IRGM: variants seen among roughly 807,000 people sequenced by gnomAD.
IRGM encodes immunity-related GTPase family M protein.
For missense variants in IRGM, 288 were observed against 219.9 expected, an observed-to-expected ratio of 1.31 and a Z score of -1.96; for synonymous variants, 98 against 80.6, an observed-to-expected ratio of 1.22 and a Z score of -1.16.
At chr5:150,896,903 C>A (rs1304096500) in intron 3 of IRGM, 3 of 1,613,528 alleles carry the variant, frequency 1.9e-6, no homozygotes, top group Non-Finnish European at 2.5e-6. Flanking sequence ...TGACTCCTTT[C>A]AGTATCTTAT....
At chr5:150,897,206 G>A in intron 3 of IRGM, 1 of 391,186 alleles carries the variant, frequency 2.6e-6, no homozygotes, top group Non-Finnish European at 4.5e-6. Flanking sequence ...AAAAAGTGGG[G>A]TCTCATCACT....
At chr5:150,864,634 G>C (rs1401668943) in intron 1 of IRGM, among the ~76,000 whole-genome samples, 1 of 152,152 alleles carries the variant, frequency 6.6e-6, no homozygotes, top group Non-Finnish European at 1.5e-5. Context: ...ATGGCAAATG[G>C]CAGACAATGA....
Position 150,858,458 on chromosome 5 carries a change from C to T in IRGM, c.158+9804C>T, listed in dbSNP as rs1375608913. Among the ~76,000 whole-genome samples the T allele has an allele frequency of 5.3e-4, 81 of 151,726 alleles. No homozygotes were observed. In the South Asian group the frequency reaches 6.1e-3, roughly 11 times the overall value. On this transcript the variant is annotated intron_variant and NMD_transcript_variant, in intron 1 of 3. Transcript: ENST00000520549. ...TTTAAAGTAGTTTTTTCCAATTCTG[C>T]GAAGAAAGTCATTGGTAGCTTGATG...
intron 3 of IRGM, among the ~76,000 whole-genome samples, chr5:150,887,658 G>GAAAAA (rs75460329): frequency 1.1e-5 from 1 of 88,530 alleles, no homozygotes; most frequent in African/African-American, 3.8e-5. Context: ...AGGTCAAAAT[G>GAAAAA]AAAAAAAAAA....
At chr5:150,881,528 A>G (rs1754445283) in intron 3 of IRGM, among the ~76,000 whole-genome samples, 1 of 152,208 alleles carries the variant, frequency 6.6e-6, no homozygotes, top group African/African-American at 2.4e-5. Flanking sequence ...ATAAAAACAT[A>G]TGAAAGTATA....
intron 3 of IRGM, among the ~76,000 whole-genome samples, chr5:150,886,418 T>A (rs1754523441): frequency 6.6e-6 from 1 of 152,076 alleles, no homozygotes; most frequent in African/African-American, 2.4e-5. Context: ...TTTTATAGAA[T>A]GAATTGGGGA....
chr5:150,875,045 G>T (rs1754344238), intron 1 of IRGM, among the ~76,000 whole-genome samples: 1 of 152,174 alleles, frequency 6.6e-6, no homozygotes, highest in African/African-American at 2.4e-5. Context: ...GGCTTGAGCA[G>T]GTCTTGAAAG....
intron 1 of IRGM, among the ~76,000 whole-genome samples, chr5:150,875,448 T>C (rs1046085355): frequency 1.3e-5 from 2 of 152,090 alleles, no homozygotes; most frequent in Non-Finnish European, 2.9e-5. Context: ...GACTGGAAAA[T>C]TAGTGACAAA....
At chr5:150,884,633 T>C (rs1754490286) in intron 3 of IRGM, among the ~76,000 whole-genome samples, 1 of 152,216 alleles carries the variant, frequency 6.6e-6, no homozygotes, top group African/African-American at 2.4e-5. Flanking sequence ...TGAGATGTTA[T>C]CTCATTGTGG....
chr5:150,882,233 A>G (rs916219321), intron 3 of IRGM, among the ~76,000 whole-genome samples: 11 of 151,358 alleles, frequency 7.3e-5, no homozygotes, highest in African/African-American at 2.4e-4. Flanking sequence ...AAAAGAAAAA[A>G]AAAAGAAAAA....
intron 1 of IRGM, among the ~76,000 whole-genome samples, chr5:150,871,844 C>T (rs561919816): frequency 4.6e-5 from 7 of 152,294 alleles, no homozygotes; most frequent in South Asian, 2.1e-4. Flanking sequence ...ATAATTCTCC[C>T]GGTTTGGAAA....
chr5:150,855,549 T>C (rs1754037481), intron 1 of IRGM, among the ~76,000 whole-genome samples: 1 of 152,128 alleles, frequency 6.6e-6, no homozygotes, highest in Non-Finnish European at 1.5e-5. Context: ...TGTAAACTTA[T>C]CAAAAAAGTG....
intron 1 of IRGM, among the ~76,000 whole-genome samples, chr5:150,862,288 C>G (rs566086461): frequency 6.6e-6 from 1 of 152,192 alleles, no homozygotes; most frequent in Non-Finnish European, 1.5e-5. Context: ...TATAATCTTA[C>G]GTAATGTAGT....
At chr5:150,890,392 T>C (rs1368160734) in intron 3 of IRGM, among the ~76,000 whole-genome samples, 1 of 143,826 alleles carries the variant, frequency 7.0e-6, no homozygotes, top group African/African-American at 2.9e-5. Flanking sequence ...TGAATAATTG[T>C]GTCCTCTCTT....
chr5:150,855,015 A>G (rs1217270123), intron 1 of IRGM, among the ~76,000 whole-genome samples: 1 of 152,118 alleles, frequency 6.6e-6, no homozygotes, highest in Non-Finnish European at 1.5e-5. Context: ...CAGAGTTTCT[A>G]TAAAGTTATT....
chr5:150,853,249 C>T (rs1348694154), downstream of IRGM, among the ~76,000 whole-genome samples: 1 of 152,016 alleles, frequency 6.6e-6, no homozygotes, highest in African/African-American at 2.4e-5. Context: ...TCCAGTTTTT[C>T]TTCTGATATT....
At chr5:150,879,550 C>T (rs1754414629) in intron 2 of IRGM, 2 of 152,190 alleles carry the variant, frequency 1.3e-5, no homozygotes. Flanking sequence ...GTATAACTTC[C>T]ACAAGGCTCA....
intron 3 of IRGM, among the ~76,000 whole-genome samples, chr5:150,894,058 G>A (rs551913368): frequency 6.6e-6 from 1 of 152,106 alleles, no homozygotes; most frequent in Admixed American, 6.6e-5. Flanking sequence ...GGAGCCCCAT[G>A]TTTTCACAAC....
intron 1 of IRGM, among the ~76,000 whole-genome samples, chr5:150,861,074 C>G (rs1321050674): frequency 6.6e-6 from 1 of 152,134 alleles, no homozygotes; most frequent in African/African-American, 2.4e-5. Context: ...GTTGGCCTCA[C>G]CTAGGTAGTT....
Sources: allele counts gnomAD v4.1 joint callset (sites outside exome capture counted in the v4.1 genomes callset), GRCh38; gene constraint gnomAD v4.1.1; transcripts MANE v1.5; gene names NCBI Gene and HGNC (gene_info 2026-07-23, HGNC 2026-07-21).